Variants in GABRR2 observed in about 807,000 individuals in gnomAD.
GABRR2 encodes gamma-aminobutyric acid type A receptor subunit rho2.
A neutral mutation model predicts 47.0 loss-of-function variants in GABRR2; 36 were observed. That is an observed-to-expected ratio of 0.77 (90% confidence interval 0.59 to 1.01). The LOEUF (loss-of-function observed/expected upper bound fraction) is 1.01. GABRR2 is among the 50% of genes least tolerant of loss of function. The pLI, the probability that GABRR2 is intolerant of heterozygous loss-of-function variation, is 0.00. For missense variants in GABRR2, 587 were observed against 594.6 expected (o/e 0.99, Z 0.13); for synonymous variants, 204 against 227.5 (o/e 0.90, Z 0.93).
intron 2 of GABRR2, among the ~76,000 whole-genome samples, chr6:89,298,372 G>A (rs533411285): frequency 6.6e-6 from 1 of 152,274 alleles, no homozygotes; most frequent in East Asian, 1.9e-4. Flanking sequence ...TGTCTGTCAG[G>A]GGTTTTACAT....
intron 2 of GABRR2, among the ~76,000 whole-genome samples, chr6:89,288,576 G>C (rs1156826999): frequency 6.6e-6 from 1 of 152,194 alleles, no homozygotes; most frequent in Non-Finnish European, 1.5e-5. Flanking sequence ...ATAAATGCCT[G>C]TTATTTTAAG....
intron 2 of GABRR2, among the ~76,000 whole-genome samples, chr6:89,296,037 C>G (rs1178281731): frequency 1.3e-5 from 2 of 152,168 alleles, no homozygotes; most frequent in African/African-American, 2.4e-5. Context: ...GGCCCAGGCT[C>G]TACTTCTAAC....
intron 2 of GABRR2, among the ~76,000 whole-genome samples, chr6:89,284,076 C>T (rs541865254): frequency 3.1e-4 from 47 of 152,182 alleles, no homozygotes; most frequent in African/African-American, 1.1e-3. Context: ...GAGAGGGTCA[C>T]ATGCTGTATG....
At chr6:89,307,348 A>T (rs1767586182) in intron 1 of GABRR2, among the ~76,000 whole-genome samples, 1 of 152,004 alleles carries the variant, frequency 6.6e-6, no homozygotes, top group Admixed American at 6.5e-5. Context: ...ATGATAATAA[A>T]CTCTATGTGG....
intron 1 of GABRR2, chr6:89,302,046 A>G: frequency 3.0e-6 from 2 of 662,812 alleles, no homozygotes; most frequent in Non-Finnish European, 5.6e-6. Flanking sequence ...AGGCCTGACA[A>G]TTTAATCTTT....
chr6:89,305,158 C>A (rs1015371158), intron 1 of GABRR2, among the ~76,000 whole-genome samples: 2 of 151,288 alleles, frequency 1.3e-5, no homozygotes, highest in African/African-American at 4.9e-5. Flanking sequence ...AATTCAAGAC[C>A]AGGCTGGCCA....
chr6:89,294,246 G>A (rs1457366938), intron 2 of GABRR2, among the ~76,000 whole-genome samples: 1 of 152,138 alleles, frequency 6.6e-6, no homozygotes, highest in African/African-American at 2.4e-5. Context: ...CTGAGTTCAA[G>A]CAATTATCAT....
chr6:89,283,544 TAAC>T (rs1774286678), intron 2 of GABRR2, among the ~76,000 whole-genome samples: 1 of 152,144 alleles, frequency 6.6e-6, no homozygotes, highest in African/African-American at 2.4e-5. Flanking sequence ...TATAGTACAA[TAAC>T]AACGAGAGTA....
rs751786690 is a variant in GABRR2, at chr6:89,269,125, ATCT to A, written c.395_397del (p.Lys132del). On this transcript the variant is annotated inframe_deletion, in exon 4 of 9. Transcript: ENST00000402938. Reference sequence around the variant, plus strand: ...AACAAAGAAGACATCAGGGACCCAGATCTTCTTCACCAGCCGGCCATCGAAGGT... The same window carrying A: ...AACAAAGAAGACATCAGGGACCCAGATCTTCACCAGCCGGCCATCGAAGGT... 103 of 1,613,998 alleles carry A rather than the reference ATCT, an allele frequency of 6.4e-5. No individual in the cohort carries two copies. Among genetic ancestry groups the A allele is most frequent in the South Asian group, 2.2e-5 (2 of 91,080 alleles).
At chr6:89,308,722 A>G (rs1177938101) in intron 1 of GABRR2, among the ~76,000 whole-genome samples, 2 of 152,108 alleles carry the variant, frequency 1.3e-5, no homozygotes, top group African/African-American at 4.8e-5. Context: ...AGTTCCTCCC[A>G]TCAACCTTGA....
intron 2 of GABRR2, among the ~76,000 whole-genome samples, chr6:89,281,411 G>T (rs1277516763): frequency 1.3e-5 from 2 of 152,218 alleles, no homozygotes; most frequent in Non-Finnish European, 2.9e-5. Context: ...ACTGGAGAAA[G>T]CATCACCAAC....
intron 2 of GABRR2, among the ~76,000 whole-genome samples, chr6:89,293,136 C>T (rs1032107224): frequency 2.0e-5 from 3 of 152,008 alleles, no homozygotes; most frequent in Non-Finnish European, 2.9e-5. Context: ...AAAGGAAATT[C>T]TATCACATAC....
chr6:89,259,719 G>A (rs546477461), intron 8 of GABRR2, among the ~76,000 whole-genome samples: 23 of 151,962 alleles, frequency 1.5e-4, no homozygotes, highest in African/African-American at 5.3e-4. Context: ...AGCCAGGCTG[G>A]TCTCGAACTC....
chr6:89,297,944 C>A (rs1239265859), intron 2 of GABRR2, among the ~76,000 whole-genome samples: 1 of 152,234 alleles, frequency 6.6e-6, no homozygotes, highest in African/African-American at 2.4e-5. Flanking sequence ...TGTTGCTGTG[C>A]AAGAAAAGTG....
intron 2 of GABRR2, among the ~76,000 whole-genome samples, chr6:89,276,880 C>T (rs1234795504): frequency 1.3e-5 from 2 of 151,960 alleles, no homozygotes; most frequent in Non-Finnish European, 2.9e-5. Flanking sequence ...ATGAAATCAT[C>T]AAAAGTACCT....
At chr6:89,279,602 C>G (rs573199484) in intron 2 of GABRR2, among the ~76,000 whole-genome samples, 6 of 151,562 alleles carry the variant, frequency 4.0e-5, no homozygotes, top group Admixed American at 2.6e-4. Context: ...GAACTCCTGG[C>G]CTTAAGGGAT....
At chr6:89,288,517 G>A (rs868868201) in intron 2 of GABRR2, among the ~76,000 whole-genome samples, 1 of 152,184 alleles carries the variant, frequency 6.6e-6, no homozygotes, top group Non-Finnish European at 1.5e-5. Flanking sequence ...GAGAGCCCCA[G>A]TGAGAACTGC....
chr6:89,306,015 A>C (rs1333963064), intron 1 of GABRR2, among the ~76,000 whole-genome samples: 1 of 152,052 alleles, frequency 6.6e-6, no homozygotes, highest in Non-Finnish European at 1.5e-5. Context: ...TAAATAAATA[A>C]ATGTGTGATG....
intron 2 of GABRR2, among the ~76,000 whole-genome samples, chr6:89,297,569 T>C (rs1357997158): frequency 6.6e-6 from 1 of 152,216 alleles, no homozygotes; most frequent in Non-Finnish European, 1.5e-5. Flanking sequence ...AAAGTGGTAG[T>C]TGTGGCTGGG....
Sources: allele counts gnomAD v4.1 joint callset (sites outside exome capture counted in the v4.1 genomes callset), GRCh38; gene constraint gnomAD v4.1.1; transcripts MANE v1.5; gene names NCBI Gene and HGNC (gene_info 2026-07-23, HGNC 2026-07-21).